TRPM1: variants seen among roughly 807,000 people sequenced by gnomAD.
TRPM1 encodes the protein transient receptor potential cation channel subfamily M member 1, also known as TRPM1-203 APA Isoform, Intron 10.
A neutral mutation model predicts 149.4 loss-of-function variants in TRPM1; 113 were observed. That is an observed-to-expected ratio of 0.76 (90% CI 0.65 to 0.88). The LOEUF is 0.88. Ranked by LOEUF, TRPM1 falls within the 40% of genes least tolerant of loss-of-function variation. The pLI is 0.00. For missense variants in TRPM1, 1,976 were observed against 2,038.7 expected (o/e 0.97, Z 0.59); for synonymous variants, 741 against 759.5 (o/e 0.98, Z 0.40).
intron 1 of TRPM1, among the ~76,000 whole-genome samples, chr15:31,114,730 GA>G (rs1234130239): frequency 1.3e-5 from 2 of 152,108 alleles, no homozygotes; most frequent in East Asian, 3.8e-4. Context: ...TTTATGTCCA[GA>G]AAAAATATTC....
intron 1 of TRPM1, among the ~76,000 whole-genome samples, chr15:31,150,322 G>A (rs964656729): frequency 2.0e-5 from 3 of 152,076 alleles, no homozygotes; most frequent in Admixed American, 1.3e-4. Context: ...TCAGGCTGGC[G>A]TTCCCAGGTG....
At chr15:31,140,099 G>T (rs2036139832) in intron 1 of TRPM1, among the ~76,000 whole-genome samples, 1 of 151,900 alleles carries the variant, frequency 6.6e-6, no homozygotes, top group Non-Finnish European at 1.5e-5. Flanking sequence ...GGGCACGGTG[G>T]CTCATGCCTG....
At chr15:31,136,745 C>CG (rs397780271) in intron 1 of TRPM1, among the ~76,000 whole-genome samples, 1 of 134,362 alleles carries the variant, frequency 7.4e-6, no homozygotes, top group African/African-American at 2.8e-5. Context: ...CAGCCGCCCC[C>CG]ACCCTTTTTT....
chr15:31,086,477 G>A (rs766619502), intron 1 of TRPM1, among the ~76,000 whole-genome samples: 8 of 152,230 alleles, frequency 5.3e-5, no homozygotes, highest in Non-Finnish European at 1.0e-4. Context: ...GGCACAGCCC[G>A]GGCTTTTTGG....
At chr15:31,101,622 TC>T in intron 1 of TRPM1, 34 bp downstream of exon 1, 1 of 984,152 alleles carries the variant, frequency 1.0e-6, no homozygotes, top group Non-Finnish European at 1.2e-6. Context: ...GCACCTGACC[TC>T]CCTTCACCTG....
At chr15:31,109,484 G>A (rs1024654289) in intron 1 of TRPM1, among the ~76,000 whole-genome samples, 1 of 151,770 alleles carries the variant, frequency 6.6e-6, no homozygotes, top group Non-Finnish European at 1.5e-5. Flanking sequence ...ATCACCTGAG[G>A]TCTGGAGTTC....
chr15:31,099,148 A>C (rs1355213722), intron 1 of TRPM1, among the ~76,000 whole-genome samples: 1 of 152,122 alleles, frequency 6.6e-6, no homozygotes, highest in East Asian at 1.9e-4. Flanking sequence ...GGATGCTGTA[A>C]TTCCTTCACC....
In TRPM1 at chr15:31,157,944, T is replaced by A. The variant is rs537720965; in HGVS notation, c.54+2962A>T. Among the ~76,000 whole-genome samples the A allele has an allele frequency of 3.4e-4, 52 of 152,258 alleles. No individual in the cohort carries two copies. In the South Asian group the frequency reaches 1.0e-2, roughly 29 times the overall value. On this transcript the variant is annotated intron_variant, in intron 1 of 26. Transcript: ENST00000542188. ...CGGTGCAGAGGGGTGCTGCTTTCGA[T>A]TAGGAAACCGGGAACCGACACTGAG... is the stretch of plus-strand genomic sequence containing the variant.
intron 1 of TRPM1, among the ~76,000 whole-genome samples, chr15:31,129,216 C>T (rs146397936): frequency 2.2e-4 from 33 of 152,262 alleles, no homozygotes; most frequent in African/African-American, 7.2e-4. Context: ...CCTGGAAGCT[C>T]GGTCTTGAAG....
chr15:31,010,530 C>A (rs929599671), intron 27 of TRPM1, among the ~76,000 whole-genome samples: 1 of 152,062 alleles, frequency 6.6e-6, no homozygotes, highest in Non-Finnish European at 1.5e-5. Context: ...CTTCTTTGAT[C>A]TATTGATTAT....
chr15:31,049,384 A>C lies in TRPM1; in HGVS notation c.1563T>G (p.Leu521=). ...HFLTIPRLEE[L]YNTRLGPPNT... ...TTTCTAGAGCACTCACTGTGTTATA[A>C]AGCTCCTCCAGCCTCGGAATGGTCA... The change falls in exon 13 of 28, where the codon CTT becomes CTG. Residue 521 remains leucine, a synonymous_variant. Coordinates refer to ENST00000256552, the MANE Select transcript of TRPM1 (RefSeq NM_001252024.2). 1 of 1,614,166 alleles carries C rather than the reference A, an allele frequency of 6.2e-7. No individual in the cohort carries two copies. The highest frequency in any genetic ancestry group is 2.2e-5 in the East Asian group (1 of 44,892).
chr15:31,065,288 C>A (rs542482353), intron 7 of TRPM1: 3 of 377,400 alleles, frequency 7.9e-6, no homozygotes, highest in African/African-American at 4.2e-5. Flanking sequence ...TCTACCCACT[C>A]TGCAGCATCA....
chr15:31,156,384 T>G (rs1345423876), intron 1 of TRPM1, among the ~76,000 whole-genome samples: 1 of 152,050 alleles, frequency 6.6e-6, no homozygotes, highest in Non-Finnish European at 1.5e-5. Flanking sequence ...GCTGAGAGTC[T>G]AGCACCTTTT....
chr15:31,074,229 T>C (rs998912039), intron 3 of TRPM1, among the ~76,000 whole-genome samples: 1 of 152,156 alleles, frequency 6.6e-6, no homozygotes, highest in Non-Finnish European at 1.5e-5. Context: ...TTGGGAAATG[T>C]TCCCTTCTCT....
chr15:31,002,946 C>T lies in TRPM1; in HGVS notation c.3754G>A (p.Ala1252Thr), dbSNP rs780804731. 1.2e-6 allele frequency: 2 copies of T among 1,601,622 alleles called. No individual in the cohort carries two copies. Among genetic ancestry groups the T allele is most frequent in the Non-Finnish European group, 1.7e-6 (2 of 1,172,582 alleles). ...TCGATTCCCGCAAGATTTTCAAGAG[C>T]ATTCACCATTCTGTTAGATAATTCT... ...LEELSNRMVN[A>T]LENLAGIDRS... Residue 1252 changes from alanine (A) to threonine (T), a missense_variant, in exon 28 of 28, where the codon GCT becomes ACT. Physicochemically the swap from Ala to Thr is moderately conservative, Grantham distance 58 (BLOSUM62 0). Transcript: ENST00000256552.
chr15:31,037,920 T>C, intron 19 of TRPM1, 78 bp from the exon 20 acceptor site: 2 of 1,612,514 alleles, frequency 1.2e-6, no homozygotes, highest in Non-Finnish European at 1.7e-6. Flanking sequence ...CAGGCACCAT[T>C]AGAAAAACAC....
intron 1 of TRPM1, among the ~76,000 whole-genome samples, chr15:31,144,595 GT>G (rs58720335): frequency 0.15 from 22,758 of 151,838 alleles, 1,950 homozygotes; most frequent in African/African-American, 0.24. Flanking sequence ...AAACAAATTA[GT>G]TTTACTCTGT....
intron 1 of TRPM1, among the ~76,000 whole-genome samples, chr15:31,115,337 C>T (rs374220024): frequency 9.9e-5 from 15 of 152,140 alleles, no homozygotes; most frequent in African/African-American, 2.9e-4. Flanking sequence ...CTTCTGGTTT[C>T]GGCTTGTATG....
At position 31,031,108 on chromosome 15, in the gene TRPM1, C is replaced by T; in HGVS notation, c.3002G>A (p.Ser1001Asn). The T allele has an allele frequency of 6.2e-7, 1 of 1,614,212 alleles. No individual in the cohort carries two copies. The highest frequency in any genetic ancestry group is 8.5e-7 in the Non-Finnish European group (1 of 1,180,028). ...FVVIMLVVLMSFGVARQAILH... is the reference protein window; with the variant it reads ...FVVIMLVVLMNFGVARQAILH... The stretch of plus-strand genomic sequence containing the variant: ...AATGGCTTGACGGGCTACTCCGAAA[C>T]TCATGAGCACGACCAGCATGATGAC... Residue 1001 changes from serine to asparagine, a missense_variant, in exon 23 of 28, where the codon AGT (serine) becomes AAT (asparagine). By Grantham distance (46) the Ser-to-Asn change is conservative. Coordinates refer to ENST00000256552, the MANE Select transcript of TRPM1 (RefSeq NM_001252024.2).
Sources: allele counts gnomAD v4.1 joint callset (sites outside exome capture counted in the v4.1 genomes callset), GRCh38; gene constraint gnomAD v4.1.1; transcripts MANE v1.5; gene names NCBI Gene and HGNC (gene_info 2026-07-23, HGNC 2026-07-21).